Variants in CDH12 observed in about 807,000 individuals in gnomAD.
The protein encoded by CDH12 is cadherin 12.
Under a neutral mutation model 74.1 loss-of-function variants are expected in CDH12, and 41 were observed. The observed-to-expected ratio is 0.55, with a 90% CI of 0.43 to 0.72. The LOEUF is 0.72. Among genes scored for constraint, CDH12 ranks in the 30% least tolerant of loss-of-function variants. The probability of loss-of-function intolerance (pLI) is 0.00; values close to 1 mark genes in which losing one functional copy is unlikely to be tolerated. For synonymous variants in CDH12, 399 were observed against 355.0 expected, an observed-to-expected ratio of 1.12 and a Z score of -1.39; for missense variants, 945 against 977.2, an observed-to-expected ratio of 0.97 and a Z score of 0.44.
At chr5:22,168,619 C>A (rs536199784) in intron 4 of CDH12, among the ~76,000 whole-genome samples, 1 of 152,014 alleles carries the variant, frequency 6.6e-6, no homozygotes, top group Non-Finnish European at 1.5e-5. Context: ...AAGCACAATT[C>A]GGATTTTGTT....
chr5:21,818,671 A>G (rs1269628144), intron 8 of CDH12, among the ~76,000 whole-genome samples: 7 of 152,004 alleles, frequency 4.6e-5, no homozygotes, highest in Admixed American at 4.6e-4. Flanking sequence ...TGTTTATTTT[A>G]CATATAAGAC....
intron 3 of CDH12, among the ~76,000 whole-genome samples, chr5:22,357,270 C>G (rs1257418299): frequency 6.6e-6 from 1 of 152,058 alleles, no homozygotes; most frequent in East Asian, 1.9e-4. Flanking sequence ...CAGCTACTGT[C>G]AATTATTTCT....
chr5:22,806,017 C>G (rs1478144491), intron 1 of CDH12, among the ~76,000 whole-genome samples: 1 of 152,094 alleles, frequency 6.6e-6, no homozygotes, highest in African/African-American at 2.4e-5. Flanking sequence ...CATAGTATTC[C>G]TTGATGTATA....
At chr5:21,757,840 A>G (rs1744489511) in intron 13 of CDH12, among the ~76,000 whole-genome samples, 1 of 152,144 alleles carries the variant, frequency 6.6e-6, no homozygotes, top group African/African-American at 2.4e-5. Context: ...TTATTACATG[A>G]TATACACATA....
chr5:22,001,366 T>A (rs1420720089), intron 5 of CDH12, among the ~76,000 whole-genome samples: 2 of 152,154 alleles, frequency 1.3e-5, no homozygotes, highest in Non-Finnish European at 2.9e-5. Flanking sequence ...GGCTGTATTT[T>A]GCCCAATTAA....
intron 3 of CDH12, among the ~76,000 whole-genome samples, chr5:22,364,260 G>A (rs1740939897): frequency 6.6e-6 from 1 of 152,116 alleles, no homozygotes; most frequent in Non-Finnish European, 1.5e-5. Flanking sequence ...AAGAGGGGAA[G>A]AAGGGAAGTC....
In CDH12 at chr5:22,040,176, T is replaced by A. The variant is rs185455317; in HGVS notation, c.231+38270A>T. Among the ~76,000 whole-genome samples the A allele has an allele frequency of 8.2e-4, 122 of 149,050 alleles. 1 individual carries two copies. Among genetic ancestry groups the A allele is most frequent in the African/African-American group, 3.0e-3 (121 of 40,984 alleles). On this transcript the variant is annotated intron_variant, in intron 5 of 14. Transcript: ENST00000382254. ...ATTCAACAAATAAAGTAAAAAAAAA[T>A]TACAGTAGAGAGCTTCAACAGCAGA...
intron 5 of CDH12, among the ~76,000 whole-genome samples, chr5:22,006,181 C>G (rs539292102): frequency 3.0e-4 from 45 of 151,968 alleles, no homozygotes; most frequent in South Asian, 4.2e-4. Flanking sequence ...CACCTCTCTT[C>G]TTTTAATTTT....
intron 8 of CDH12, among the ~76,000 whole-genome samples, chr5:21,828,045 G>T (rs184777777): frequency 5.3e-5 from 8 of 151,824 alleles, no homozygotes; most frequent in African/African-American, 1.9e-4. Flanking sequence ...ACAAAAATAT[G>T]CCACAAGCAA....
In CDH12 at chr5:22,285,263, T is replaced by C. The variant is rs189212380; in HGVS notation, c.-332-72620A>G. ...ATAAATTGTTTTTCCTTAAAATAAATCTTGAGTCATGGTTAAAGACGTAAC... is the reference window on the plus strand; with the variant it reads ...ATAAATTGTTTTTCCTTAAAATAAACCTTGAGTCATGGTTAAAGACGTAAC... On this transcript the variant is annotated intron_variant, in intron 3 of 14. Transcript: ENST00000382254. 2.4e-4 allele frequency among the ~76,000 whole-genome samples: 37 copies of C among 152,224 alleles called. No homozygotes were observed. The East Asian group carries it at 3.5e-3, about 14-fold the overall frequency.
At chr5:22,851,014 G>T (rs1312592481) in intron 1 of CDH12, among the ~76,000 whole-genome samples, 2 of 152,092 alleles carry the variant, frequency 1.3e-5, no homozygotes, top group Non-Finnish European at 2.9e-5. Context: ...AGGTTCAAAA[G>T]ATGCTCAATT....
chr5:22,285,956 C>A (rs1365605166), intron 3 of CDH12, among the ~76,000 whole-genome samples: 1 of 151,916 alleles, frequency 6.6e-6, no homozygotes, highest in Non-Finnish European at 1.5e-5. Context: ...GCATATATAT[C>A]TTTCTTGAAA....
intron 3 of CDH12, among the ~76,000 whole-genome samples, chr5:22,331,972 CAAAG>C (rs1426836244): frequency 6.6e-6 from 1 of 151,536 alleles, no homozygotes; most frequent in Non-Finnish European, 1.5e-5. Flanking sequence ...TCAGAGGAGA[CAAAG>C]AAAGAATAAA....
At chr5:22,190,974 T>C (rs1172555387) in intron 4 of CDH12, among the ~76,000 whole-genome samples, 1 of 152,212 alleles carries the variant, frequency 6.6e-6, no homozygotes, top group Non-Finnish European at 1.5e-5. Context: ...GGGAGTATCG[T>C]GATATCTTTC....
chr5:22,373,750 C>G (rs940195864), intron 3 of CDH12, among the ~76,000 whole-genome samples: 1 of 152,144 alleles, frequency 6.6e-6, no homozygotes, highest in Non-Finnish European at 1.5e-5. Context: ...GCCAAAGTGC[C>G]CTACCAACCA....
intron 1 of CDH12, among the ~76,000 whole-genome samples, chr5:22,795,701 G>C (rs540142780): frequency 6.6e-6 from 1 of 151,716 alleles, no homozygotes; most frequent in East Asian, 2.0e-4. Context: ...TACATACACT[G>C]TATGGTAACT....
intron 10 of CDH12, among the ~76,000 whole-genome samples, chr5:21,798,258 T>TGC (rs1746906041): frequency 1.5e-5 from 2 of 137,022 alleles, no homozygotes; most frequent in African/African-American, 5.5e-5. Flanking sequence ...GATGTGTGTG[T>TGC]GTGTGTGTGT....
At chr5:22,643,227 T>C (rs1341592487) in intron 1 of CDH12, among the ~76,000 whole-genome samples, 1 of 152,186 alleles carries the variant, frequency 6.6e-6, no homozygotes, top group Non-Finnish European at 1.5e-5. Context: ...CCCATAAGTC[T>C]GTATTGTAAT....
intron 6 of CDH12, among the ~76,000 whole-genome samples, chr5:21,914,471 C>T (rs4607322): frequency 0.042 from 6,338 of 152,108 alleles, 176 homozygotes; most frequent in Non-Finnish European, 0.062. Context: ...CACATATATA[C>T]ACACATACAT....
Sources: gnomAD v4.1 joint callset for allele counts (sites outside exome capture counted in the v4.1 genomes callset) on GRCh38, gnomAD v4.1.1 for gene constraint, MANE v1.5 for transcripts, NCBI Gene and HGNC (gene_info 2026-07-23, HGNC 2026-07-21) for gene names.